Variants in CNTN4 observed in about 807,000 individuals in gnomAD.
The protein encoded by CNTN4 is contactin-4.
A neutral mutation model predicts 122.5 loss-of-function variants in CNTN4; 77 were observed. The ratio of observed to expected loss-of-function variants is 0.63; its 90% confidence interval spans 0.52 to 0.76. The LOEUF is 0.76. Ranked by LOEUF, CNTN4 falls within the 30% of genes least tolerant of loss-of-function variation. The pLI, the probability that CNTN4 is intolerant of heterozygous loss-of-function variation, is 0.00. For missense variants in CNTN4, 1,256 were observed against 1,259.1 expected (o/e 1.00, Z 0.04); for synonymous variants, 512 against 447.0 (o/e 1.15, Z -1.83).
rs17011782 is a variant in CNTN4, at chr3:2,284,588, G to T, written c.-144-54590G>T. ...AGGAATTTATAATGGAGCATCAAGG[G>T]AGGAGTTGGTTATGTAATCATACTT... On this transcript the variant is annotated intron_variant, in intron 2 of 24. Transcript: ENST00000418658. Among the ~76,000 whole-genome samples the T allele has an allele frequency of 8.1e-3, 1,228 of 152,112 alleles. 18 individuals are homozygous for T. Among genetic ancestry groups the T allele is most frequent in the African/African-American group, 0.028 (1,163 of 41,540 alleles).
chr3:2,382,304 G>A lies in CNTN4; in HGVS notation c.-89+43071G>A, dbSNP rs75742730. 3.9e-3 allele frequency among the ~76,000 whole-genome samples: 595 copies of A among 151,906 alleles called. 2 individuals are homozygous for A. The highest frequency in any genetic ancestry group is 0.014 in the African/African-American group (564 of 41,428). On this transcript the variant is annotated intron_variant, in intron 3 of 24. Transcript: ENST00000418658. ...CCTGCCTCAGCCTCCCGAGTAGCTG[G>A]GATTACAGGCGCGCTGTAATTTTTG... is the stretch of plus-strand genomic sequence containing the variant.
chr3:2,240,703 A>G (rs1311166749), intron 2 of CNTN4, among the ~76,000 whole-genome samples: 1 of 152,180 alleles, frequency 6.6e-6, no homozygotes, highest in Non-Finnish European at 1.5e-5. Context: ...GAAAATGGTA[A>G]TGTCAAGCAA....
Position 2,745,512 on chromosome 3 carries a change from T to A in CNTN4, c.183-10T>A. The A allele has an allele frequency of 1.2e-6, 2 of 1,611,208 alleles. No homozygotes were observed. Among genetic ancestry groups the A allele is most frequent in the Non-Finnish European group, 1.7e-6 (2 of 1,177,320 alleles). On this transcript the variant is annotated splice_polypyrimidine_tract_variant and intron_variant, in intron 5 of 24. Coordinates refer to ENST00000418658, the MANE Select transcript of CNTN4 (RefSeq NM_175607.3). ...ACAAGACTTTATCTACTGGCATTTT[T>A]ATACTATAGGTGGAAGTTAAATGGA...
chr3:2,992,549 T>C (rs556092683), intron 14 of CNTN4, among the ~76,000 whole-genome samples: 45 of 152,260 alleles, frequency 3.0e-4, no homozygotes, highest in Non-Finnish European at 5.0e-4. Context: ...TGGGTGGGGA[T>C]TTTGCATGAC....
At chr3:2,431,124 CTTTG>C (rs961469339) in intron 3 of CNTN4, among the ~76,000 whole-genome samples, 7 of 152,030 alleles carry the variant, frequency 4.6e-5, no homozygotes, top group African/African-American at 1.7e-4. Flanking sequence ...TTCATTGTAG[CTTTG>C]TTTGTAATAT....
intron 2 of CNTN4, among the ~76,000 whole-genome samples, chr3:2,133,513 A>G (rs2034547507): frequency 6.6e-6 from 1 of 152,218 alleles, no homozygotes; most frequent in Non-Finnish European, 1.5e-5. Flanking sequence ...AAAAGAGTAT[A>G]GTTCAAAGTT....
chr3:2,895,298 T>G (rs1183221941), intron 10 of CNTN4, among the ~76,000 whole-genome samples: 2 of 152,236 alleles, frequency 1.3e-5, no homozygotes, highest in Non-Finnish European at 2.9e-5. Flanking sequence ...ACTTTCAATA[T>G]TAACCTAAAG....
At chr3:2,333,030 C>T (rs976852142) in intron 2 of CNTN4, among the ~76,000 whole-genome samples, 1 of 152,156 alleles carries the variant, frequency 6.6e-6, no homozygotes, top group Non-Finnish European at 1.5e-5. Flanking sequence ...CTGGGATGTC[C>T]TATAGACTGG....
intron 14 of CNTN4, among the ~76,000 whole-genome samples, chr3:3,011,572 T>C (rs577679868): frequency 6.6e-6 from 1 of 152,318 alleles, no homozygotes; most frequent in East Asian, 1.9e-4. Context: ...GTTTGTACAC[T>C]GTTCTGGCAA....
intron 3 of CNTN4, among the ~76,000 whole-genome samples, chr3:2,409,770 G>T (rs2047166455): frequency 6.6e-6 from 1 of 151,914 alleles, no homozygotes; most frequent in Non-Finnish European, 1.5e-5. Context: ...TTATTTAAAA[G>T]ATGAGGCATA....
At chr3:2,526,791 G>A (rs936599233) in intron 3 of CNTN4, among the ~76,000 whole-genome samples, 2 of 151,966 alleles carry the variant, frequency 1.3e-5, no homozygotes, top group African/African-American at 4.8e-5. Flanking sequence ...TGGGAGGCAG[G>A]TTGAGAAAGA....
Position 2,983,599 on chromosome 3 carries a change from T to C in CNTN4, c.1359-4746T>C, listed in dbSNP as rs139357784. ...CAGGCATCGTTCTAAGCACCGCACA[T>C]CTTAACAACAACTCTATGAGATGTA... On this transcript the variant is annotated intron_variant, in intron 13 of 24. Transcript: ENST00000418658. 3.6e-3 allele frequency among the ~76,000 whole-genome samples: 552 copies of C among 152,354 alleles called. 2 individuals are homozygous for C. Among genetic ancestry groups the C allele is most frequent in the Non-Finnish European group, 5.4e-3 (364 of 68,030 alleles).
chr3:2,870,799 A>G (rs964328576), intron 8 of CNTN4, among the ~76,000 whole-genome samples: 2 of 152,204 alleles, frequency 1.3e-5, no homozygotes, highest in East Asian at 1.9e-4. Flanking sequence ...TATTTCCCCA[A>G]TATTCAGCTT....
intron 12 of CNTN4, among the ~76,000 whole-genome samples, chr3:2,909,899 A>C (rs143028928): frequency 1.3e-5 from 2 of 152,328 alleles, no homozygotes; most frequent in East Asian, 3.9e-4. Flanking sequence ...GAGAACCACT[A>C]TCCTAAAATA....
intron 3 of CNTN4, among the ~76,000 whole-genome samples, chr3:2,446,677 G>C (rs181638561): frequency 3.3e-5 from 5 of 151,978 alleles, no homozygotes; most frequent in Non-Finnish European, 7.4e-5. Flanking sequence ...AAACACACTC[G>C]GTTTACTTAG....
chr3:2,514,491 A>T (rs968822864), intron 3 of CNTN4, among the ~76,000 whole-genome samples: 2 of 151,976 alleles, frequency 1.3e-5, no homozygotes, highest in South Asian at 2.1e-4. Flanking sequence ...AAAAATGAAT[A>T]TGACTGAATG....
intron 4 of CNTN4, among the ~76,000 whole-genome samples, chr3:2,580,544 T>C (rs926123173): frequency 1.3e-5 from 2 of 152,176 alleles, no homozygotes; most frequent in Non-Finnish European, 2.9e-5. Flanking sequence ...ACCATAATCT[T>C]CCATTCCTCT....
intron 7 of CNTN4, among the ~76,000 whole-genome samples, chr3:2,832,061 G>A (rs1247088471): frequency 6.6e-6 from 1 of 152,192 alleles, no homozygotes; most frequent in Non-Finnish European, 1.5e-5. Context: ...AGACATTCAT[G>A]TACCTTCTTC....
Position 2,127,060 on chromosome 3 carries a change from C to A in CNTN4, c.-145+26421C>A, listed in dbSNP as rs375686435. On this transcript the variant is annotated intron_variant, in intron 2 of 24. Coordinates refer to ENST00000418658, the MANE Select transcript of CNTN4 (RefSeq NM_175607.3). ...GTTTAATGACTTATTCTGTCTTTTT[C>A]ATCTTTGTGGTTTGCGTTTTTCTCC... Among the ~76,000 whole-genome samples, 14 of 152,150 alleles carry A rather than the reference C, an allele frequency of 9.2e-5. No individual in the cohort carries two copies. In the East Asian group the frequency reaches 1.5e-3, roughly 17 times the overall value.
Sources: allele counts gnomAD v4.1 joint callset (sites outside exome capture counted in the v4.1 genomes callset), GRCh38; gene constraint gnomAD v4.1.1; transcripts MANE v1.5; gene names NCBI Gene and HGNC (gene_info 2026-07-23, HGNC 2026-07-21).